TECTB: variants seen among roughly 807,000 people sequenced by gnomAD.
TECTB encodes the protein beta-tectorin.
TECTB carries 45 observed loss-of-function variants against 43.3 expected under a neutral mutation model. The observed-to-expected ratio is 1.04, with a 90% CI of 0.82 to 1.33. The LOEUF (loss-of-function observed/expected upper bound fraction) is 1.33. Ranked by LOEUF, TECTB falls within the 40% of genes most tolerant of loss-of-function variation. The probability of loss-of-function intolerance (pLI) is 0.00; values close to 1 mark genes in which losing one functional copy is unlikely to be tolerated. For synonymous variants in TECTB, 169 were observed against 156.7 expected, an observed-to-expected ratio of 1.08 and a Z score of -0.59; for missense variants, 399 against 404.7, an observed-to-expected ratio of 0.99 and a Z score of 0.12.
chr10:112,287,889 AG>A (rs1848467702), intron 5 of TECTB, among the ~76,000 whole-genome samples: 1 of 152,224 alleles, frequency 6.6e-6, no homozygotes, highest in Non-Finnish European at 1.5e-5. Flanking sequence ...ACATTGTAAA[AG>A]TTTCAAGATC....
intron 2 of TECTB, among the ~76,000 whole-genome samples, 192 bp downstream of exon 2, chr10:112,284,002 G>A (rs910306691): frequency 3.3e-5 from 5 of 151,748 alleles, no homozygotes; most frequent in African/African-American, 1.2e-4. Context: ...GGATAAACTC[G>A]GACTTTTTTT....
intron 5 of TECTB, among the ~76,000 whole-genome samples, chr10:112,291,591 G>A (rs1395939023): frequency 6.6e-6 from 1 of 152,172 alleles, no homozygotes; most frequent in African/African-American, 2.4e-5. Context: ...GCTGAAATCC[G>A]TTCCTCCTGC....
Position 112,286,154 on chromosome 10 carries a change from C to T in TECTB, c.351C>T (p.Tyr117=). The T allele has an allele frequency of 4.3e-6, 7 of 1,614,190 alleles. No individual in the cohort carries two copies. The highest frequency in any genetic ancestry group is 5.9e-6 in the Non-Finnish European group (7 of 1,180,014). The part of the protein sequence containing the change: ...TVIVKNQPVN[Y]SFSCTYHSTY... ...TTGTAAAAAACCAGCCTGTCAACTA[C>T]TCCTTCTCCTGCACCTACCACTCCA... Residue 117 remains tyrosine, a synonymous_variant, in exon 4 of 11, where the codon TAC becomes TAT. Coordinates refer to ENST00000646139, the MANE Select transcript of TECTB (RefSeq NM_058222.3).
chr10:112,300,940 G>A (rs183981067), intron 9 of TECTB, among the ~76,000 whole-genome samples: 13 of 152,332 alleles, frequency 8.5e-5, no homozygotes, highest in Middle Eastern at 6.8e-3. Context: ...ATGAAGGGTG[G>A]GCAAAACCTG....
In TECTB at chr10:112,284,524, G is replaced by A. The variant is rs370988687; in HGVS notation, c.77-11G>A. 1.9e-6 allele frequency: 3 copies of A among 1,594,384 alleles called. No homozygotes were observed. Among genetic ancestry groups the A allele is most frequent in the Non-Finnish European group, 2.6e-6 (3 of 1,168,710 alleles). On this transcript the variant is annotated splice_polypyrimidine_tract_variant and intron_variant, in intron 2 of 10. Transcript: ENST00000646139. ...CTAACTGATTTTAAACTATATGTGT[G>A]CTCTTTCCAGATGTCATTCTTGTGT...
chr10:112,285,336 C>T (rs1329415620), intron 3 of TECTB, among the ~76,000 whole-genome samples: 1 of 152,170 alleles, frequency 6.6e-6, no homozygotes, highest in African/African-American at 2.4e-5. Context: ...AACCTCCCCA[C>T]CAAGATCTAG....
chr10:112,289,142 C>T (rs1299860438), intron 5 of TECTB, among the ~76,000 whole-genome samples: 1 of 152,118 alleles, frequency 6.6e-6, no homozygotes, highest in Non-Finnish European at 1.5e-5. Flanking sequence ...TAGCACAGTG[C>T]CTGGTACAAG....
Position 112,303,297 on chromosome 10 carries a change from T to C in TECTB, c.975T>C (p.Ile325=). The change falls in exon 11 of 11, where the codon ATT becomes ATC. Residue 325 remains isoleucine, a synonymous_variant. Transcript: ENST00000646139. ...VLHHLIMMLG[I]CAVL ...ACCACCTCATCATGATGTTGGGGAT[T>C]TGTGCCGTGTTATAGGAGTTAGCCA... 1.2e-6 allele frequency: 2 copies of C among 1,614,150 alleles called. No homozygotes were observed. Among genetic ancestry groups the C allele is most frequent in the East Asian group, 2.2e-5 (1 of 44,880 alleles).
intron 7 of TECTB, among the ~76,000 whole-genome samples, chr10:112,294,408 GT>G (rs1447716327): frequency 2.6e-5 from 4 of 152,182 alleles, no homozygotes; most frequent in Non-Finnish European, 4.4e-5. Flanking sequence ...GTGTGTGCAT[GT>G]GTGTATGTGT....
At chr10:112,298,670 C>T (rs1299223331) in intron 8 of TECTB, among the ~76,000 whole-genome samples, 1 of 152,166 alleles carries the variant, frequency 6.6e-6, no homozygotes, top group Non-Finnish European at 1.5e-5. Context: ...GACTGAACAG[C>T]CCGAGGGTTC....
rs1848634706 is a variant in TECTB at position 112,304,257 on chromosome 10, T to C, written c.*945T>C. 2 of 152,244 alleles carry C rather than the reference T, an allele frequency of 1.3e-5. No homozygotes were observed. The highest frequency in any genetic ancestry group is 2.1e-4 in the South Asian group (1 of 4,832). The allele number at this position is 152,244 out of a possible 1,614,324, so 9.4% of individuals were successfully genotyped here. A position where few individuals can be genotyped will look rare whatever the true frequency, so the allele number is the denominator to read the frequency against. On this transcript the variant is annotated 3_prime_UTR_variant, in exon 11 of 11. Coordinates refer to ENST00000646139, the MANE Select transcript of TECTB (RefSeq NM_058222.3). ...TGCTCTACTAAGAAGTTTTCATTTA[T>C]AAGAAATGGTCTGATCTCATTTAGC... is the stretch of plus-strand genomic sequence containing the variant.
chr10:112,300,805 CT>C lies in TECTB; in HGVS notation c.907+1242del, dbSNP rs544679706. 8.5e-5 allele frequency among the ~76,000 whole-genome samples: 13 copies of C among 152,352 alleles called. No individual in the cohort carries two copies. In the East Asian group the frequency reaches 2.5e-3, roughly 29 times the overall value. On this transcript the variant is annotated intron_variant, in intron 9 of 10. Coordinates refer to ENST00000646139, the MANE Select transcript of TECTB (RefSeq NM_058222.3). ...AAAAAATCTGAAATCTGAAACACTT[CT>C]GGTCCCAAGCATTTTGGATAAGGGA...
At chr10:112,292,147 AAAAG>A (rs1317900584) in intron 5 of TECTB, among the ~76,000 whole-genome samples, 8 of 151,862 alleles carry the variant, frequency 5.3e-5, no homozygotes, top group African/African-American at 1.2e-4. Context: ...AAAAAAAAAA[AAAAG>A]AAAGAAAGAA....
In TECTB at chr10:112,290,160, G is replaced by A. The variant is rs149460053; in HGVS notation, c.484-3578G>A. ...TGCACCGCTCACTCTGTACTTCCTG[G>A]GATATAAATCATCCCCTTGTCCAGA... is the stretch of plus-strand genomic sequence containing the variant. On this transcript the variant is annotated intron_variant, in intron 5 of 10. Transcript: ENST00000646139. Among the ~76,000 whole-genome samples the A allele has an allele frequency of 1.2e-3, 190 of 152,192 alleles. 1 individual carries two copies. The highest frequency in any genetic ancestry group is 4.3e-3 in the African/African-American group (180 of 41,516).
Position 112,293,736 on chromosome 10 carries a change from A to C in TECTB, c.484-2A>C. The C allele has an allele frequency of 6.2e-7, 1 of 1,613,896 alleles. No individual in the cohort carries two copies. On this transcript the variant is annotated splice_acceptor_variant, in intron 5 of 10. Transcript: ENST00000646139. LOFTEE classifies it high-confidence loss of function. ...ATGCCCAGTGTCAATTTCCTTCCAA[A>C]GAATGCCAAGTTCTCCATCAAGAAA...
chr10:112,296,821 C>G (rs563553726), intron 7 of TECTB, among the ~76,000 whole-genome samples: 1 of 152,058 alleles, frequency 6.6e-6, no homozygotes, highest in Non-Finnish European at 1.5e-5. Flanking sequence ...GTAACTGGAC[C>G]GCTCTCTGGC....
intron 5 of TECTB, 108 bp from the exon 6 acceptor site, chr10:112,293,630 T>A: frequency 1.1e-6 from 1 of 924,152 alleles, no homozygotes; most frequent in Non-Finnish European, 1.7e-6. Flanking sequence ...CCTGCTTATG[T>A]CTTTGGGTTG....
chr10:112,286,536 G>C, intron 5 of TECTB, 145 bp downstream of exon 5: 2 of 877,102 alleles, frequency 2.3e-6, no homozygotes, highest in Non-Finnish European at 3.4e-6. Context: ...CTTTGGTTTA[G>C]CTTTAAACCT....
chr10:112,297,274 C>T lies in TECTB; in HGVS notation c.672-795C>T, dbSNP rs1030553859. Among the ~76,000 whole-genome samples the T allele has an allele frequency of 3.9e-5, 6 of 152,064 alleles. No individual in the cohort carries two copies. In the South Asian group the frequency reaches 6.2e-4, roughly 16 times the overall value. ...TCCCCCAGCCTGGACAATCACAGTG[C>T]CAAATGTCCCCTGGGGCACAAAGTG... On this transcript the variant is annotated intron_variant, in intron 7 of 10. Coordinates refer to ENST00000646139, the MANE Select transcript of TECTB (RefSeq NM_058222.3).
Sources: gnomAD v4.1 joint callset for allele counts (sites outside exome capture counted in the v4.1 genomes callset) on GRCh38, gnomAD v4.1.1 for gene constraint, MANE v1.5 for transcripts, NCBI Gene and HGNC (gene_info 2026-07-23, HGNC 2026-07-21) for gene names.